SLC24A2: variants seen among roughly 807,000 people sequenced by gnomAD.
SLC24A2 encodes sodium/potassium/calcium exchanger 2.
A neutral mutation model predicts 62.0 loss-of-function variants in SLC24A2; 36 were observed. The ratio of observed to expected loss-of-function variants is 0.58; its 90% CI spans 0.44 to 0.77. The LOEUF (loss-of-function observed/expected upper bound fraction) is 0.77, where lower values mean the gene tolerates loss of function less well. SLC24A2 is among the 30% of genes least tolerant of loss of function. The pLI is 0.00. For missense variants in SLC24A2, 846 were observed against 817.9 expected (o/e 1.03, Z -0.42); for synonymous variants, 358 against 294.0 (o/e 1.22, Z -2.23).
the SLC24A2 span, among the ~76,000 whole-genome samples, chr9:20,244,725 G>A: frequency 6.6e-6 from 1 of 152,088 alleles, no homozygotes; most frequent in Admixed American, 6.5e-5. Context: ...AATTATGATG[G>A]GGAAGCATCC....
the SLC24A2 span, among the ~76,000 whole-genome samples, chr9:20,125,514 C>T: frequency 3.7e-4 from 57 of 152,102 alleles, no homozygotes; most frequent in African/African-American, 1.3e-3. Context: ...CTATAAGACA[C>T]CTATACAAAT....
At chr9:20,195,196 T>C in the SLC24A2 span, among the ~76,000 whole-genome samples, 1 of 152,168 alleles carries the variant, frequency 6.6e-6, no homozygotes, top group Non-Finnish European at 1.5e-5. Flanking sequence ...ATTTGCATTG[T>C]TTCCAGTTAG....
In SLC24A2 at chr9:19,599,499, T is replaced by C. The variant is rs1014658288; in HGVS notation, c.1079-2220A>G. Among the ~76,000 whole-genome samples the C allele has an allele frequency of 2.6e-5, 4 of 152,302 alleles. No homozygotes were observed. The highest frequency in any genetic ancestry group is 4.8e-5 in the African/African-American group (2 of 41,578). ...CTGCCCAAACAAAGAGAACCATGTT[T>C]ACAGTTTACTGAAGAAAAGTCAGAA... On this transcript the variant is annotated intron_variant, in intron 4 of 10. Coordinates refer to ENST00000341998, the MANE Select transcript of SLC24A2 (RefSeq NM_020344.4). The surrounding 1 kb of genome is among the most constrained non-coding windows in gnomAD (Gnocchi z 4.5).
intron 2 of SLC24A2, among the ~76,000 whole-genome samples, chr9:19,680,722 T>C (rs553932133): frequency 2.6e-5 from 4 of 152,238 alleles, no homozygotes; most frequent in East Asian, 1.9e-4. Context: ...CAAAGATTCA[T>C]GGCTTCCAAA....
chr9:20,138,992 C>G, the SLC24A2 span, among the ~76,000 whole-genome samples: 2 of 152,296 alleles, frequency 1.3e-5, no homozygotes, highest in Non-Finnish European at 2.9e-5. Context: ...TCTGTTCTCA[C>G]CCCCACTCCT....
rs564642266 is a variant in SLC24A2, at chr9:19,727,701, T to C, written c.930+58236A>G. On this transcript the variant is annotated intron_variant, in intron 2 of 10. Coordinates refer to ENST00000341998, the MANE Select transcript of SLC24A2 (RefSeq NM_020344.4). ...TAAATCCTTTTCCAGAAGAAAGAAC[T>C]TTTTAAAATTAATTTATCTTAAGTG... is the stretch of plus-strand genomic sequence containing the variant. Among the ~76,000 whole-genome samples, 20 of 152,314 alleles carry C rather than the reference T, an allele frequency of 1.3e-4. No individual in the cohort carries two copies. The East Asian group carries it at 3.1e-3, about 23-fold the overall frequency.
intron 7 of SLC24A2, among the ~76,000 whole-genome samples, chr9:19,563,824 T>TTCTTCCTCCCTC (rs1835530276): frequency 1.3e-5 from 1 of 76,592 alleles, no homozygotes; most frequent in Admixed American, 1.3e-4. Context: ...CTTCCTTCCT[T>TTCTTCCTCCCTC]CCTCCCTCCC....
chr9:20,228,982 G>A, the SLC24A2 span, among the ~76,000 whole-genome samples: 5 of 152,096 alleles, frequency 3.3e-5, no homozygotes, highest in East Asian at 1.9e-4. Flanking sequence ...GCCTCTGGGG[G>A]AGGAAAGGGA....
At chr9:20,099,557 G>A in the SLC24A2 span, among the ~76,000 whole-genome samples, 1 of 152,148 alleles carries the variant, frequency 6.6e-6, no homozygotes, top group Non-Finnish European at 1.5e-5. Flanking sequence ...GTAGGTTCCA[G>A]GAGGATAAAA....
At chr9:19,833,438 C>G in the SLC24A2 span, among the ~76,000 whole-genome samples, 34 of 152,346 alleles carry the variant, frequency 2.2e-4, no homozygotes, top group Admixed American at 1.9e-3. Flanking sequence ...TATCCTGCAC[C>G]TGGCTCGGAG....
At chr9:20,228,758 T>C in the SLC24A2 span, among the ~76,000 whole-genome samples, 1 of 152,014 alleles carries the variant, frequency 6.6e-6, no homozygotes, top group South Asian at 2.1e-4. Context: ...TCCTAATCCA[T>C]GTGTAGCTCA....
At chr9:19,993,760 C>T in the SLC24A2 span, among the ~76,000 whole-genome samples, 2 of 152,174 alleles carry the variant, frequency 1.3e-5, no homozygotes, top group Non-Finnish European at 2.9e-5. Flanking sequence ...TATGTCTTCT[C>T]TCCCAGGAAA....
At chr9:20,002,051 G>A in the SLC24A2 span, among the ~76,000 whole-genome samples, 1 of 152,160 alleles carries the variant, frequency 6.6e-6, no homozygotes, top group East Asian at 1.9e-4. Flanking sequence ...CCTCAGGGCT[G>A]AGGACTAAAG....
intron 10 of SLC24A2, among the ~76,000 whole-genome samples, chr9:19,517,866 C>T (rs967270745): frequency 6.6e-6 from 1 of 151,000 alleles, no homozygotes; most frequent in Admixed American, 6.6e-5. Context: ...ACTCTTTTCC[C>T]ATCCCTTGTG....
chr9:20,151,628 C>A, the SLC24A2 span, among the ~76,000 whole-genome samples: 1 of 151,816 alleles, frequency 6.6e-6, no homozygotes, highest in African/African-American at 2.4e-5. Flanking sequence ...CACATGACCC[C>A]ACTTAACCAC....
intron 2 of SLC24A2, among the ~76,000 whole-genome samples, chr9:19,663,049 C>T (rs890899291): frequency 1.3e-5 from 2 of 152,216 alleles, no homozygotes; most frequent in Non-Finnish European, 2.9e-5. Flanking sequence ...CTAAGATACG[C>T]TCTGCATTTA....
chr9:20,021,343 A>G, the SLC24A2 span, among the ~76,000 whole-genome samples: 29 of 151,792 alleles, frequency 1.9e-4, no homozygotes, highest in East Asian at 5.6e-3. Flanking sequence ...GAATTGTGGG[A>G]CAGATTTATA....
At chr9:20,193,150 G>C in the SLC24A2 span, among the ~76,000 whole-genome samples, 2 of 152,088 alleles carry the variant, frequency 1.3e-5, no homozygotes, top group African/African-American at 4.8e-5. Context: ...CACATGCCTT[G>C]ATATTGAGTA....
chr9:19,732,113 TAA>T (rs5896860), intron 2 of SLC24A2, among the ~76,000 whole-genome samples: 10 of 151,640 alleles, frequency 6.6e-5, no homozygotes, highest in Non-Finnish European at 1.3e-4. Context: ...CTTGTTTTGT[TAA>T]AAAAAAAACT....
Sources: allele counts gnomAD v4.1 joint callset (sites outside exome capture counted in the v4.1 genomes callset), GRCh38; gene constraint gnomAD v4.1.1; non-coding constraint Gnocchi (gnomAD v3.1); transcripts MANE v1.5; gene names NCBI Gene and HGNC (gene_info 2026-07-23, HGNC 2026-07-21).